The following ARHGEF33 variants were observed in gnomAD, a reference collection of about 807,000 sequenced individuals.
ARHGEF33 encodes DH and coiled-coil domain-containing protein ENSP00000381780.
A neutral mutation model predicts 101.9 loss-of-function variants in ARHGEF33; 72 were observed. That is an observed-to-expected ratio of 0.71 (90% CI 0.58 to 0.86). ARHGEF33 has a LOEUF of 0.86. Ranked by LOEUF, ARHGEF33 falls within the 40% of genes least tolerant of loss-of-function variation. The probability of loss-of-function intolerance (pLI) is 0.00; values close to 1 mark genes in which losing one functional copy is unlikely to be tolerated. For missense variants in ARHGEF33, 1,169 were observed against 1,111.3 expected, an observed-to-expected ratio of 1.05 and a Z score of -0.74; for synonymous variants, 499 against 442.5, an observed-to-expected ratio of 1.13 and a Z score of -1.60.
chr2:38,946,725 A>G (rs906781774), intron 10 of ARHGEF33, among the ~76,000 whole-genome samples: 1 of 152,166 alleles, frequency 6.6e-6, no homozygotes, highest in Non-Finnish European at 1.5e-5. Flanking sequence ...TCCCGGGTTC[A>G]AGTGATTCTC....
intron 2 of ARHGEF33, among the ~76,000 whole-genome samples, chr2:38,906,827 G>A (rs542509849): frequency 4.8e-4 from 72 of 150,106 alleles, no homozygotes; most frequent in African/African-American, 1.6e-3. Flanking sequence ...AAAAAAAAAG[G>A]TCTGGGTCTG....
In ARHGEF33 at chr2:38,945,176, G is replaced by C. The variant is rs140105310; in HGVS notation, c.920+1146G>C. Reference sequence around the variant, plus strand: ...CATTATTACTTTAAACATTCCATTGGGTAATATACACTGGTGGTTCATAAA... The same window carrying C: ...CATTATTACTTTAAACATTCCATTGCGTAATATACACTGGTGGTTCATAAA... On this transcript the variant is annotated intron_variant, in intron 10 of 17. Coordinates refer to ENST00000409978, the MANE Select transcript of ARHGEF33 (RefSeq NM_001145451.5). Among the ~76,000 whole-genome samples, 28 of 152,224 alleles carry C rather than the reference G, an allele frequency of 1.8e-4. 1 individual carries two copies. Among genetic ancestry groups the C allele is most frequent in the African/African-American group, 5.5e-4 (23 of 41,516 alleles).
intron 15 of ARHGEF33, 105 bp from the exon 16 acceptor site, chr2:38,959,736 T>C (rs1667864269): frequency 1.6e-6 from 2 of 1,274,754 alleles, no homozygotes; most frequent in Non-Finnish European, 2.1e-6. Flanking sequence ...GGAGGTGGCA[T>C]GCACAGGCGC....
Position 38,960,030 on chromosome 2 carries a change from C to G in ARHGEF33, c.1725C>G (p.Ile575Met), listed in dbSNP as rs994833368. The change falls in exon 16 of 18, where the codon ATC becomes ATG. Residue 575 changes from isoleucine (I) to methionine (M), a missense_variant. Ile to Met is a conservative substitution (Grantham distance 10). Coordinates refer to ENST00000409978, the MANE Select transcript of ARHGEF33 (RefSeq NM_001145451.5). ...CGCTGGCCGGGCCCCTGCAGGCCAT[C>G]CCGGAGATGGACTTCGAGTCCTCTC... ...VKALAGPLQA[I>M]PEMDFESSPA... 2 of 1,546,080 alleles carry G rather than the reference C, an allele frequency of 1.3e-6. No individual in the cohort carries two copies. The highest frequency in any genetic ancestry group is 2.7e-5 in the African/African-American group (2 of 72,940).
intron 4 of ARHGEF33, among the ~76,000 whole-genome samples, chr2:38,922,480 A>G (rs1666780552): frequency 6.6e-6 from 1 of 152,226 alleles, no homozygotes; most frequent in Non-Finnish European, 1.5e-5. Flanking sequence ...GACCATTGCT[A>G]TAAACCAAAC....
At chr2:38,968,341 C>T (rs989506917) in intron 17 of ARHGEF33, among the ~76,000 whole-genome samples, 1 of 152,126 alleles carries the variant, frequency 6.6e-6, no homozygotes, top group East Asian at 1.9e-4. Flanking sequence ...AGAGTCCTTT[C>T]TAGTGTGGAG....
chr2:38,914,619 A>C (rs1409504759), intron 2 of ARHGEF33, among the ~76,000 whole-genome samples: 2 of 149,456 alleles, frequency 1.3e-5, no homozygotes, highest in Admixed American at 6.8e-5. Context: ...GTGAGCCTGG[A>C]TCTCACCACT....
At chr2:38,908,674 C>T (rs946966795) in intron 2 of ARHGEF33, among the ~76,000 whole-genome samples, 2 of 152,188 alleles carry the variant, frequency 1.3e-5, no homozygotes, top group Non-Finnish European at 2.9e-5. Flanking sequence ...TACCTATTCT[C>T]TGTGCTTTGC....
chr2:38,971,732 T>C, intron 17 of ARHGEF33: 1 of 686,654 alleles, frequency 1.5e-6, no homozygotes, highest in African/African-American at 1.8e-5. Context: ...TTAGTTTAAT[T>C]AATATCAAGA....
At chr2:38,949,517 C>T (rs899417080) in intron 10 of ARHGEF33, among the ~76,000 whole-genome samples, 1 of 151,958 alleles carries the variant, frequency 6.6e-6, no homozygotes, top group Non-Finnish European at 1.5e-5. Context: ...CCTTCTCTGA[C>T]GTCTCCCTTC....
At position 38,889,875 on chromosome 2, in the gene ARHGEF33, G is replaced by C. The variant is rs568076664; in HGVS notation, c.-270G>C. On this transcript the variant is annotated 5_prime_UTR_variant, in exon 1 of 18. Transcript: ENST00000409978. The stretch of plus-strand genomic sequence containing the variant: ...AGCCTGGTTAGCATACTACGGTCTC[G>C]TTTCAGGGGAAGTCAAGCCTCTCTA... The C allele has an allele frequency of 4.3e-5, 20 of 470,562 alleles. No individual in the cohort carries two copies. The highest frequency in any genetic ancestry group is 9.4e-5 in the Admixed American group (4 of 42,516). The allele number at this position is 470,562 out of a possible 1,614,324, so 29.1% of individuals were successfully genotyped here.
chr2:38,912,749 C>T (rs1319179262), intron 2 of ARHGEF33, among the ~76,000 whole-genome samples: 1 of 151,994 alleles, frequency 6.6e-6, no homozygotes. Context: ...ATGAAAGAAC[C>T]AGTTCTGAAA....
Position 38,960,074 on chromosome 2 carries a change from A to G in ARHGEF33, c.1769A>G (p.Asn590Ser), listed in dbSNP as rs982718576. ...FESSPAEPLG[N>S]VERSLRAPAE... Reference sequence around the variant, plus strand: ...TCCTCTCCGGCGGAGCCGCTGGGCAACGTGGAGCGCTCCCTGCGCGCCCCG... The same window carrying G: ...TCCTCTCCGGCGGAGCCGCTGGGCAGCGTGGAGCGCTCCCTGCGCGCCCCG... Residue 590 changes from asparagine to serine, a missense_variant, in exon 16 of 18, where the codon AAC (asparagine) becomes AGC (serine). Transcript: ENST00000409978. 6 of 1,542,288 alleles carry G rather than the reference A, an allele frequency of 3.9e-6. No individual in the cohort carries two copies. Among genetic ancestry groups the G allele is most frequent in the Non-Finnish European group, 4.4e-6 (5 of 1,143,818 alleles).
intron 15 of ARHGEF33, 77 bp from the exon 16 acceptor site, chr2:38,959,764 A>G: frequency 7.0e-7 from 1 of 1,424,292 alleles, no homozygotes; most frequent in Non-Finnish European, 9.3e-7. Flanking sequence ...CGCGGCCCCG[A>G]GGGGCGCCGG....
chr2:38,975,439 T>G lies in ARHGEF33; in HGVS notation c.*1596T>G, dbSNP rs1572789229. 1 of 152,230 alleles carries G rather than the reference T, an allele frequency of 6.6e-6. No individual in the cohort carries two copies. Among genetic ancestry groups the G allele is most frequent in the African/African-American group, 2.4e-5 (1 of 41,468 alleles). 9.4% of individuals were successfully genotyped at this position (152,230 alleles called of 1,614,324 possible). A position where few individuals can be genotyped will look rare whatever the true frequency, so the allele number is the denominator to read the frequency against. Reference sequence around the variant, plus strand: ...AGAAGTCACAATCTATTAAATAAAATGTTAACATAATAAAATTCTTTTCCC... The same window carrying G: ...AGAAGTCACAATCTATTAAATAAAAGGTTAACATAATAAAATTCTTTTCCC... On this transcript the variant is annotated 3_prime_UTR_variant, in exon 18 of 18. Transcript: ENST00000409978.
chr2:38,931,420 A>G (rs1311636021), intron 7 of ARHGEF33, 169 bp downstream of exon 7: 12 of 560,680 alleles, frequency 2.1e-5, no homozygotes, highest in East Asian at 1.8e-4. Flanking sequence ...AGAGACCACA[A>G]GAGTGCCCAG....
intron 17 of ARHGEF33, among the ~76,000 whole-genome samples, chr2:38,967,841 A>G (rs1028885742): frequency 6.7e-6 from 1 of 150,024 alleles, no homozygotes; most frequent in Non-Finnish European, 1.5e-5. Flanking sequence ...CGGCCTCCCA[A>G]AGTGTTGGGA....
In ARHGEF33 at chr2:38,922,003, T is replaced by C. The variant is rs1572749367; in HGVS notation, c.75+580T>C. On this transcript the variant is annotated intron_variant, in intron 4 of 17. Transcript: ENST00000409978. ...TTTTTAAACAATGGAAACAATTTGC[T>C]TTACAAGGAAGATAAAAGTTCTGCA... Among the ~76,000 whole-genome samples, 4 of 152,216 alleles carry C rather than the reference T, an allele frequency of 2.6e-5. No individual in the cohort carries two copies. The East Asian group carries it at 5.8e-4, about 22-fold the overall frequency.
At chr2:38,943,072 C>A (rs1427232794) in intron 9 of ARHGEF33, among the ~76,000 whole-genome samples, 4 of 152,128 alleles carry the variant, frequency 2.6e-5, no homozygotes, top group African/African-American at 9.7e-5. Context: ...GGATTACAGG[C>A]GTGTGCCACC....
Sources: allele counts gnomAD v4.1 joint callset (sites outside exome capture counted in the v4.1 genomes callset), GRCh38; gene constraint gnomAD v4.1.1; transcripts MANE v1.5; gene names NCBI Gene and HGNC (gene_info 2026-07-23, HGNC 2026-07-21).